The following RAB31 variants were observed in gnomAD, a reference collection of about 807,000 sequenced individuals.
The protein encoded by RAB31 is ras-related protein Rab-31.
In RAB31, 21 loss-of-function variants were observed where a neutral mutation model predicts 25.6. That is an observed-to-expected ratio of 0.82 (90% CI 0.58 to 1.18). RAB31 has a LOEUF of 1.18. Among genes scored for constraint, RAB31 ranks in the 50% most tolerant of loss-of-function variants. RAB31 has a pLI of 0.00. For synonymous variants in RAB31, 87 were observed against 84.0 expected (o/e 1.04, Z -0.20); for missense variants, 196 against 250.1 (o/e 0.78, Z 1.46).
intron 3 of RAB31, among the ~76,000 whole-genome samples, chr18:9,798,501 T>C (rs938200823): frequency 9.2e-5 from 14 of 152,226 alleles, no homozygotes; most frequent in African/African-American, 3.4e-4. Flanking sequence ...TTATTACCCC[T>C]CTTTATCATC....
intron 1 of RAB31, among the ~76,000 whole-genome samples, chr18:9,726,989 T>C (rs1449664703): frequency 2.0e-5 from 3 of 152,244 alleles, no homozygotes; most frequent in African/African-American, 4.8e-5. Flanking sequence ...TTTTAAGTTG[T>C]AGCAGATGCT....
chr18:9,858,804 T>A (rs764518908), intron 6 of RAB31, among the ~76,000 whole-genome samples: 2 of 152,192 alleles, frequency 1.3e-5, no homozygotes, highest in Non-Finnish European at 2.9e-5. Flanking sequence ...GCAGAAAAGA[T>A]GGATGAGTAC....
chr18:9,814,195 C>T (rs980370560), intron 4 of RAB31, 104 bp downstream of exon 4: 2 of 778,384 alleles, frequency 2.6e-6, no homozygotes, highest in African/African-American at 1.7e-5. Flanking sequence ...AGTAGCGTGC[C>T]ACTATATATT....
rs1248240415 is a variant in RAB31 at position 9,717,142 on chromosome 18, C to T, written c.39+8698C>T. On this transcript the variant is annotated intron_variant, in intron 1 of 6. Coordinates refer to ENST00000578921, the MANE Select transcript of RAB31 (RefSeq NM_006868.4). ...TCATCCAGGCTGGAGTGCAATGGTG[C>T]GATCACAGCTCACTGCAGCCTCAAC... Among the ~76,000 whole-genome samples the T allele has an allele frequency of 4.6e-5, 7 of 151,634 alleles. No homozygotes were observed. In the East Asian group the frequency reaches 1.2e-3, roughly 25 times the overall value.
intron 3 of RAB31, among the ~76,000 whole-genome samples, chr18:9,799,473 T>A (rs2068503180): frequency 6.6e-6 from 1 of 152,142 alleles, no homozygotes; most frequent in South Asian, 2.1e-4. Flanking sequence ...CCTCTTTATA[T>A]AAGAGAGTAT....
At chr18:9,734,285 C>G (rs1405648096) in intron 1 of RAB31, among the ~76,000 whole-genome samples, 2 of 152,106 alleles carry the variant, frequency 1.3e-5, no homozygotes, top group Admixed American at 1.3e-4. Flanking sequence ...GAGATGGAAG[C>G]CTGGAGAAGT....
intron 1 of RAB31, among the ~76,000 whole-genome samples, chr18:9,773,571 C>CT (rs1316599962): frequency 1.2e-4 from 18 of 152,094 alleles, no homozygotes; most frequent in South Asian, 4.1e-4. Context: ...AGGGCAGATG[C>CT]TTTTTTCTAC....
chr18:9,769,889 A>C (rs2068335332), intron 1 of RAB31, among the ~76,000 whole-genome samples: 1 of 152,226 alleles, frequency 6.6e-6, no homozygotes, highest in African/African-American at 2.4e-5. Flanking sequence ...AGTTTTTAGC[A>C]TGAAGTCGTG....
chr18:9,767,384 T>C (rs891441188), intron 1 of RAB31, among the ~76,000 whole-genome samples: 2 of 152,360 alleles, frequency 1.3e-5, no homozygotes, highest in South Asian at 2.1e-4. Flanking sequence ...TTATCAGCAA[T>C]GTATATCCCT....
rs2068748993 is a variant in RAB31 at position 9,844,229 on chromosome 18, G to A, written c.381-1353G>A. On this transcript the variant is annotated intron_variant, in intron 5 of 6. Coordinates refer to ENST00000578921, the MANE Select transcript of RAB31 (RefSeq NM_006868.4). Reference sequence around the variant, plus strand: ...CTCTGGGTATAGACAGACATGGTGTGCCTCCCTCTCTCAGCTCCAACCTCT... The same window carrying A: ...CTCTGGGTATAGACAGACATGGTGTACCTCCCTCTCTCAGCTCCAACCTCT... Among the ~76,000 whole-genome samples, 3 of 152,202 alleles carry A rather than the reference G, an allele frequency of 2.0e-5. No homozygotes were observed. In the South Asian group the frequency reaches 6.2e-4, roughly 32 times the overall value.
At chr18:9,728,802 G>A (rs2068107638) in intron 1 of RAB31, among the ~76,000 whole-genome samples, 1 of 152,160 alleles carries the variant, frequency 6.6e-6, no homozygotes, top group Non-Finnish European at 1.5e-5. Flanking sequence ...GCTTCGCTAA[G>A]TGCTGGGATT....
At chr18:9,828,649 A>G (rs1055835854) in intron 5 of RAB31, among the ~76,000 whole-genome samples, 9 of 152,212 alleles carry the variant, frequency 5.9e-5, no homozygotes, top group African/African-American at 2.2e-4. Context: ...ATAAATTTAC[A>G]TTGCTTTCAT....
intron 1 of RAB31, among the ~76,000 whole-genome samples, chr18:9,724,215 A>T (rs4798831): frequency 7.5e-6 from 1 of 134,088 alleles, no homozygotes; most frequent in Admixed American, 7.6e-5. Context: ...AGCTTGCAGT[A>T]AGCCGAGATC....
At chr18:9,845,220 G>A (rs963845133) in intron 5 of RAB31, among the ~76,000 whole-genome samples, 6 of 152,196 alleles carry the variant, frequency 3.9e-5, no homozygotes, top group Non-Finnish European at 7.3e-5. Context: ...ACTAACAGAG[G>A]TTTGGTGTTT....
intron 1 of RAB31, among the ~76,000 whole-genome samples, chr18:9,720,509 G>A (rs1228361525): frequency 1.3e-5 from 2 of 152,006 alleles, no homozygotes; most frequent in Non-Finnish European, 2.9e-5. Context: ...CCAGAAGAAG[G>A]GCTGATGTCA....
At chr18:9,727,464 TC>T (rs962010145) in intron 1 of RAB31, among the ~76,000 whole-genome samples, 2 of 152,144 alleles carry the variant, frequency 1.3e-5, no homozygotes, top group African/African-American at 4.8e-5. Flanking sequence ...CCACAGGTCC[TC>T]CAGCACACTT....
intron 1 of RAB31, chr18:9,726,233 A>C (rs1453958709): frequency 1.3e-5 from 2 of 152,198 alleles, no homozygotes; most frequent in African/African-American, 4.8e-5. Context: ...AGGAAATGTC[A>C]GTTTGTGAAA....
At chr18:9,804,940 A>C (rs1159267815) in intron 3 of RAB31, among the ~76,000 whole-genome samples, 1 of 152,226 alleles carries the variant, frequency 6.6e-6, no homozygotes, top group Non-Finnish European at 1.5e-5. Context: ...AAAACAACAC[A>C]GATAGACTCC....
chr18:9,795,791 T>C (rs2068484269), intron 3 of RAB31, among the ~76,000 whole-genome samples: 1 of 152,192 alleles, frequency 6.6e-6, no homozygotes. Context: ...GATGGGATTG[T>C]AAACTAGTAT....
Sources: allele counts gnomAD v4.1 joint callset (sites outside exome capture counted in the v4.1 genomes callset), GRCh38; gene constraint gnomAD v4.1.1; transcripts MANE v1.5; gene names NCBI Gene and HGNC (gene_info 2026-07-23, HGNC 2026-07-21).